The following ANKH variants were observed in gnomAD, a reference collection of about 807,000 sequenced individuals.
ANKH encodes the protein ANKH inorganic pyrophosphate transport regulator, also known as mineralization regulator ANKH.
A neutral mutation model predicts 49.0 loss-of-function variants in ANKH; 15 were observed. The ratio of observed to expected loss-of-function variants is 0.31; its 90% CI spans 0.20 to 0.47. ANKH has a LOEUF of 0.47. Among genes scored for constraint, ANKH ranks in the 20% least tolerant of loss-of-function variants. The probability of loss-of-function intolerance (pLI) is 1.00; values close to 1 mark genes in which losing one functional copy is unlikely to be tolerated. For missense variants in ANKH, 429 were observed against 652.0 expected, an observed-to-expected ratio of 0.66 and a Z score of 3.72; for synonymous variants, 273 against 260.0, an observed-to-expected ratio of 1.05 and a Z score of -0.48.
At chr5:14,746,017 G>A (rs1738525070) in intron 6 of ANKH, 55 bp from the exon 7 acceptor site, 1 of 1,459,164 alleles carries the variant, frequency 6.9e-7, no homozygotes, top group Non-Finnish European at 9.6e-7. Flanking sequence ...AGTCCTCCAG[G>A]AGCTACAGTA....
chr5:14,744,387 A>G (rs1029144207), intron 7 of ANKH, among the ~76,000 whole-genome samples: 1 of 152,240 alleles, frequency 6.6e-6, no homozygotes, highest in African/African-American at 2.4e-5. Context: ...TCTATCGCCC[A>G]TTAGCTTAGG....
chr5:14,742,101 T>C lies in ANKH; in HGVS notation c.916-179A>G, dbSNP rs999651292. Among the ~76,000 whole-genome samples, 3 of 152,334 alleles carry C rather than the reference T, an allele frequency of 2.0e-5. No individual in the cohort carries two copies. The South Asian group carries it at 6.2e-4, about 32-fold the overall frequency. ...GTCTCTCGGGCAGCTGTCAGGTCCC[T>C]GTACAGGATCATTAACCTGAGTGAA... On this transcript the variant is annotated intron_variant, in intron 7 of 11. Transcript: ENST00000284268.
intron 8 of ANKH, among the ~76,000 whole-genome samples, chr5:14,726,643 G>A (rs922648115): frequency 3.3e-5 from 5 of 152,140 alleles, no homozygotes; most frequent in African/African-American, 1.2e-4. Context: ...AGCTGGATGG[G>A]GCCTCTCTAG....
At chr5:14,793,450 G>A (rs112833455) in intron 1 of ANKH, among the ~76,000 whole-genome samples, 2 of 152,280 alleles carry the variant, frequency 1.3e-5, no homozygotes, top group African/African-American at 4.8e-5. Flanking sequence ...AACTGGCAGT[G>A]TGGTGAGGAC....
Position 14,712,856 on chromosome 5 carries a change from C to G in ANKH, c.1365+18G>C. The G allele has an allele frequency of 6.3e-7, 1 of 1,586,122 alleles. No individual in the cohort carries two copies. Among genetic ancestry groups the G allele is most frequent in the Non-Finnish European group, 8.6e-7 (1 of 1,166,106 alleles). Reference sequence around the variant, plus strand: ...GGAGGATGCACCCGGGAGGAGGCTCCCGGCGCGGCTGTCTCACCTGCTTCC... The same window carrying G: ...GGAGGATGCACCCGGGAGGAGGCTCGCGGCGCGGCTGTCTCACCTGCTTCC... On this transcript the variant is annotated intron_variant, in intron 11 of 11. Transcript: ENST00000284268.
chr5:14,788,741 C>T (rs1295570677), intron 1 of ANKH, among the ~76,000 whole-genome samples: 1 of 152,082 alleles, frequency 6.6e-6, no homozygotes, highest in East Asian at 1.9e-4. Flanking sequence ...GTAACAAAGG[C>T]TAAGACAGAA....
chr5:14,789,842 T>C (rs1439376748), intron 1 of ANKH, among the ~76,000 whole-genome samples: 2 of 151,976 alleles, frequency 1.3e-5, no homozygotes, highest in Non-Finnish European at 2.9e-5. Context: ...TCCCCAGTAG[T>C]TGGGATTATA....
intron 1 of ANKH, among the ~76,000 whole-genome samples, chr5:14,839,508 T>TA (rs56407443): frequency 0.36 from 50,942 of 141,224 alleles, 8,883 homozygotes; most frequent in Admixed American, 0.41. Flanking sequence ...TCTTATCAGT[T>TA]AAAAAAAAAA....
chr5:14,780,960 G>A (rs529185645), intron 1 of ANKH, among the ~76,000 whole-genome samples: 1 of 152,320 alleles, frequency 6.6e-6, no homozygotes, highest in Admixed American at 6.5e-5. Flanking sequence ...ATGTACATGT[G>A]TGGACCCGTG....
intron 1 of ANKH, among the ~76,000 whole-genome samples, chr5:14,847,287 A>C (rs1039738076): frequency 6.6e-6 from 1 of 152,160 alleles, no homozygotes; most frequent in African/African-American, 2.4e-5. Flanking sequence ...ACTAAGGGGG[A>C]AAAAGGGGCT....
intron 1 of ANKH, among the ~76,000 whole-genome samples, chr5:14,844,272 A>C (rs1425628032): frequency 6.6e-6 from 1 of 152,226 alleles, no homozygotes; most frequent in Admixed American, 6.5e-5. Flanking sequence ...ACAATAAGTG[A>C]ATAGGCATGC....
chr5:14,821,180 G>A lies in ANKH; in HGVS notation c.96+50172C>T, dbSNP rs183020511. 1.7e-3 allele frequency among the ~76,000 whole-genome samples: 259 copies of A among 152,152 alleles called. 1 individual carries two copies. Among genetic ancestry groups the A allele is most frequent in the African/African-American group, 5.9e-3 (244 of 41,488 alleles). On this transcript the variant is annotated intron_variant, in intron 1 of 11. Coordinates refer to ENST00000284268, the MANE Select transcript of ANKH (RefSeq NM_054027.6). The stretch of plus-strand genomic sequence containing the variant: ...GCCCGACATCATATAAATGATACAT[G>A]TGTGAGTTTGTAGATACATTCCAAG...
chr5:14,847,005 CAAAAAAA>C (rs386403087), intron 1 of ANKH, among the ~76,000 whole-genome samples: 1 of 110,376 alleles, frequency 9.1e-6, no homozygotes, highest in Non-Finnish European at 1.8e-5. Context: ...AAGACTGCCT[CAAAAAAA>C]AAAAAAAAAA....
Position 14,707,193 on chromosome 5 carries a change from T to A in ANKH, c.*4004A>T, listed in dbSNP as rs575176174. 1 of 152,274 alleles carries A rather than the reference T, an allele frequency of 6.6e-6. No homozygotes were observed. The highest frequency in any genetic ancestry group is 6.5e-5 in the Admixed American group (1 of 15,296). The allele number at this position is 152,274 out of a possible 1,614,324, so 9.4% of individuals were successfully genotyped here. A position where few individuals can be genotyped will look rare whatever the true frequency, so the allele number is the denominator to read the frequency against. On this transcript the variant is annotated 3_prime_UTR_variant, in exon 12 of 12. Transcript: ENST00000284268. ...CTGGGAGTTACTGAAGTAGAAAGATTTTTAAATACAAGAAAATATTTCTCA... is the reference window on the plus strand; with the variant it reads ...CTGGGAGTTACTGAAGTAGAAAGATATTTAAATACAAGAAAATATTTCTCA...
intron 1 of ANKH, among the ~76,000 whole-genome samples, chr5:14,812,063 G>T (rs1740899575): frequency 7.0e-6 from 1 of 142,596 alleles, no homozygotes; most frequent in African/African-American, 2.6e-5. Flanking sequence ...TAAAATTCTT[G>T]CTGAGCTACT....
intron 1 of ANKH, among the ~76,000 whole-genome samples, chr5:14,794,978 G>A (rs1343913951): frequency 1.3e-5 from 2 of 152,232 alleles, no homozygotes; most frequent in African/African-American, 4.8e-5. Flanking sequence ...AGTAGGAGGA[G>A]GTGGTACACA....
chr5:14,839,860 AC>A (rs1333481380), intron 1 of ANKH, among the ~76,000 whole-genome samples: 1 of 152,208 alleles, frequency 6.6e-6, no homozygotes, highest in African/African-American at 2.4e-5. Context: ...GCAAGCACGT[AC>A]CCCATCAGAG....
chr5:14,847,440 G>A (rs1174520092), intron 1 of ANKH, among the ~76,000 whole-genome samples: 1 of 152,198 alleles, frequency 6.6e-6, no homozygotes, highest in Non-Finnish European at 1.5e-5. Context: ...GAACCTGCAT[G>A]TTGCAGCAAA....
In ANKH at chr5:14,705,979, T is replaced by C. The variant is rs553330912; in HGVS notation, c.*5218A>G. 5 of 152,278 alleles carry C rather than the reference T, an allele frequency of 3.3e-5. No homozygotes were observed. In the East Asian group the frequency reaches 7.7e-4, roughly 24 times the overall value. 9.4% of individuals were successfully genotyped at this position (152,278 alleles called of 1,614,324 possible). ...TGCCCTGGCTTATAGCTAGGGAACA[T>C]TGCCTCTAAATCTTATAGTGAGAAT... On this transcript the variant is annotated 3_prime_UTR_variant, in exon 12 of 12. Coordinates refer to ENST00000284268, the MANE Select transcript of ANKH (RefSeq NM_054027.6).
Sources: allele counts gnomAD v4.1 joint callset (sites outside exome capture counted in the v4.1 genomes callset), GRCh38; gene constraint gnomAD v4.1.1; transcripts MANE v1.5; gene names NCBI Gene and HGNC (gene_info 2026-07-23, HGNC 2026-07-21).